The following CSMD1 variants were observed in gnomAD, a reference collection of about 807,000 sequenced individuals.
The protein encoded by CSMD1 is CUB and sushi domain-containing protein 1.
In CSMD1, 213 loss-of-function variants were observed where a neutral mutation model predicts 417.5. The observed-to-expected ratio is 0.51, with a 90% confidence interval of 0.46 to 0.57. The LOEUF is 0.57. Ranked by LOEUF, CSMD1 falls within the 20% of genes least tolerant of loss-of-function variation. The pLI, the probability that CSMD1 is intolerant of heterozygous loss-of-function variation, is 0.00. For missense variants in CSMD1, 6,923 were observed against 4,529.7 expected (o/e 1.53, Z -15.17); for synonymous variants, 2,862 against 1,736.8 (o/e 1.65, Z -16.11).
intron 1 of CSMD1, among the ~76,000 whole-genome samples, chr8:4,985,379 T>A (rs865884321): frequency 2.8e-4 from 43 of 152,100 alleles, no homozygotes; most frequent in Middle Eastern, 3.4e-3. Flanking sequence ...AAAGTTTTTT[T>A]TAAAAAAAAA....
At chr8:4,181,556 G>C (rs1798378209) in intron 3 of CSMD1, among the ~76,000 whole-genome samples, 1 of 152,048 alleles carries the variant, frequency 6.6e-6, no homozygotes, top group Non-Finnish European at 1.5e-5. Context: ...TTTGTGTTTG[G>C]CCACATGCAA....
At chr8:3,348,495 C>T (rs148936333) in intron 21 of CSMD1, among the ~76,000 whole-genome samples, 204 of 152,268 alleles carry the variant, frequency 1.3e-3, no homozygotes, top group Middle Eastern at 3.4e-3. Context: ...TGTCACAGCA[C>T]CTCTCCCACC....
At chr8:3,150,239 CAG>C (rs1336052349) in intron 40 of CSMD1, among the ~76,000 whole-genome samples, 1 of 152,206 alleles carries the variant, frequency 6.6e-6, no homozygotes, top group African/African-American at 2.4e-5. Flanking sequence ...AATCCTTCCA[CAG>C]AGTCTCTCCC....
chr8:4,008,817 A>G (rs1430026802), intron 4 of CSMD1, among the ~76,000 whole-genome samples: 2 of 151,684 alleles, frequency 1.3e-5, no homozygotes, highest in African/African-American at 2.4e-5. Flanking sequence ...TCAATGTGTT[A>G]GCCAGGATGG....
At chr8:3,835,077 G>A (rs886751806) in intron 5 of CSMD1, among the ~76,000 whole-genome samples, 2 of 151,032 alleles carry the variant, frequency 1.3e-5, no homozygotes, top group Admixed American at 6.6e-5. Context: ...AACAGGTGCT[G>A]GAGAGGATGT....
At chr8:3,660,392 G>A (rs1261617057) in intron 7 of CSMD1, among the ~76,000 whole-genome samples, 2 of 151,342 alleles carry the variant, frequency 1.3e-5, no homozygotes, top group Non-Finnish European at 2.9e-5. Flanking sequence ...AGTAATCCAC[G>A]TATGTTGGCA....
At chr8:4,830,859 TG>T (rs1406086096) in intron 1 of CSMD1, among the ~76,000 whole-genome samples, 3 of 152,180 alleles carry the variant, frequency 2.0e-5, no homozygotes, top group South Asian at 4.1e-4. Context: ...GAAGAAATTC[TG>T]GGAAAAAAGA....
Position 4,125,350 on chromosome 8 carries a change from C to G in CSMD1, c.416-93251G>C, listed in dbSNP as rs193254827. On this transcript the variant is annotated intron_variant, in intron 3 of 69. Coordinates refer to ENST00000635120, the MANE Select transcript of CSMD1 (RefSeq NM_033225.6). ...CTCTAAAGAGCGCAACTGTTTGTCTCTCACCTACTTGTGACCTGCAGGTCC... is the reference window on the plus strand; with the variant it reads ...CTCTAAAGAGCGCAACTGTTTGTCTGTCACCTACTTGTGACCTGCAGGTCC... 7.9e-5 allele frequency among the ~76,000 whole-genome samples: 12 copies of G among 152,314 alleles called. No homozygotes were observed. In the East Asian group the frequency reaches 1.9e-3, roughly 25 times the overall value.
At chr8:3,869,352 T>A (rs971064631) in intron 5 of CSMD1, among the ~76,000 whole-genome samples, 1 of 152,204 alleles carries the variant, frequency 6.6e-6, no homozygotes, top group Non-Finnish European at 1.5e-5. Context: ...ATATCCTGTA[T>A]AATAAAATTA....
rs140987857 is a variant in CSMD1 at position 3,677,881 on chromosome 8, T to C, written c.1009+30533A>G. 1.3e-4 allele frequency among the ~76,000 whole-genome samples: 20 copies of C among 152,312 alleles called. No homozygotes were observed. In the East Asian group the frequency reaches 2.5e-3, roughly 19 times the overall value. ...CTTGCTGAAGCCATTTCAGCCCTTT[T>C]TTTCCATCATGAAACACCTCCCACT... is the stretch of plus-strand genomic sequence containing the variant. On this transcript the variant is annotated intron_variant, in intron 7 of 69. Coordinates refer to ENST00000635120, the MANE Select transcript of CSMD1 (RefSeq NM_033225.6).
rs111319594 is a variant in CSMD1 at position 3,542,276 on chromosome 8, A to C, written c.1344+32669T>G. Among the ~76,000 whole-genome samples the C allele has an allele frequency of 6.0e-3, 912 of 152,222 alleles. 9 individuals are homozygous for C. Among genetic ancestry groups the C allele is most frequent in the African/African-American group, 0.021 (873 of 41,526 alleles). ...ATTCTTTACTCTTTTATGTCATCTG[A>C]AGATGGTTCATTCATTCAGATGGTT... On this transcript the variant is annotated intron_variant, in intron 10 of 69. Coordinates refer to ENST00000635120, the MANE Select transcript of CSMD1 (RefSeq NM_033225.6).
intron 1 of CSMD1, among the ~76,000 whole-genome samples, chr8:4,740,192 C>G (rs1484902565): frequency 1.3e-5 from 2 of 152,136 alleles, no homozygotes; most frequent in African/African-American, 4.8e-5. Flanking sequence ...AACACATTAT[C>G]TTATTGTTTT....
intron 3 of CSMD1, among the ~76,000 whole-genome samples, chr8:4,374,535 G>T (rs1334306803): frequency 2.0e-5 from 3 of 152,044 alleles, no homozygotes; most frequent in Non-Finnish European, 4.4e-5. Context: ...AGAAGAGGCT[G>T]GTCAGTCCCA....
At chr8:3,634,418 T>A (rs971203946) in intron 7 of CSMD1, among the ~76,000 whole-genome samples, 17 of 152,166 alleles carry the variant, frequency 1.1e-4, no homozygotes, top group Non-Finnish European at 1.6e-4. Context: ...CAATCCTCTG[T>A]GCGTGGGGTC....
rs374372985 is a variant in CSMD1, at chr8:3,142,643, G to A, written c.6063C>T (p.Thr2021=). 109 of 1,613,584 alleles carry A rather than the reference G, an allele frequency of 6.8e-5. 1 individual carries two copies. Among genetic ancestry groups the A allele is most frequent in the South Asian group, 1.3e-4 (12 of 91,080 alleles). ...TTTCAAGGAAGTCATGATTAGCTTC[G>A]GTAGAAAAATTCAGAAACTGAATAT... The part of the protein sequence containing the change: ...GAHIQFLNFS[T]EANHDFLEIQ... The change falls in exon 41 of 70, where the codon ACC becomes ACT. Residue 2021 remains threonine, a synonymous_variant. Transcript: ENST00000635120.
intron 1 of CSMD1, among the ~76,000 whole-genome samples, chr8:4,729,055 T>C (rs1251003024): frequency 6.6e-6 from 1 of 152,148 alleles, no homozygotes; most frequent in African/African-American, 2.4e-5. Flanking sequence ...ACTGATGACC[T>C]GAATATAGAC....
intron 2 of CSMD1, among the ~76,000 whole-genome samples, chr8:4,534,165 A>G (rs1447320663): frequency 1.3e-5 from 2 of 152,200 alleles, no homozygotes; most frequent in East Asian, 3.9e-4. Flanking sequence ...TCATCAGAAA[A>G]GAGAAAGCAT....
chr8:3,129,076 G>T (rs1005546512), intron 41 of CSMD1, among the ~76,000 whole-genome samples: 1 of 152,162 alleles, frequency 6.6e-6, no homozygotes, highest in Non-Finnish European at 1.5e-5. Flanking sequence ...AAAGGCCACG[G>T]AGTCAACATC....
At chr8:4,905,635 C>G (rs111629263) in intron 1 of CSMD1, among the ~76,000 whole-genome samples, 1 of 151,212 alleles carries the variant, frequency 6.6e-6, no homozygotes, top group Non-Finnish European at 1.5e-5. Flanking sequence ...CTGGCTAACA[C>G]GGTGAAACCC....
Sources: gnomAD v4.1 joint callset for allele counts (sites outside exome capture counted in the v4.1 genomes callset) on GRCh38, gnomAD v4.1.1 for gene constraint, MANE v1.5 for transcripts, NCBI Gene and HGNC (gene_info 2026-07-23, HGNC 2026-07-21) for gene names.